Variants in CTIF observed in about 807,000 individuals in gnomAD.
The protein encoded by CTIF is cap binding complex dependent translation initiation factor, also known as CBP80/20-dependent translation initiation factor.
A neutral mutation model predicts 66.0 loss-of-function variants in CTIF; 21 were observed. That is an observed-to-expected ratio of 0.32 (90% CI 0.23 to 0.46). The LOEUF (loss-of-function observed/expected upper bound fraction) is 0.46. CTIF is among the 20% of genes least tolerant of loss of function. The probability of loss-of-function intolerance (pLI) is 1.00; values close to 1 mark genes in which losing one functional copy is unlikely to be tolerated. For missense variants in CTIF, 739 were observed against 812.7 expected (o/e 0.91, Z 1.10); for synonymous variants, 345 against 326.4 (o/e 1.06, Z -0.62).
At chr18:48,643,756 C>A (rs1006460427) in intron 3 of CTIF, among the ~76,000 whole-genome samples, 1 of 152,084 alleles carries the variant, frequency 6.6e-6, no homozygotes, top group Non-Finnish European at 1.5e-5. Context: ...GCTGCTGAGG[C>A]CTTCATTTTG....
intron 6 of CTIF, among the ~76,000 whole-genome samples, chr18:48,700,038 A>G (rs983767391): frequency 2.0e-5 from 3 of 152,170 alleles, no homozygotes; most frequent in Non-Finnish European, 2.9e-5. Flanking sequence ...CCATGCTGAT[A>G]TGGCTTGGCT....
At chr18:48,552,933 C>T (rs2145552607) in intron 1 of CTIF, among the ~76,000 whole-genome samples, 1 of 152,304 alleles carries the variant, frequency 6.6e-6, no homozygotes, top group South Asian at 2.1e-4. Flanking sequence ...TCGGTGACCT[C>T]AGGGCTTGGA....
At chr18:48,841,640 G>C (rs369606626) in intron 10 of CTIF, among the ~76,000 whole-genome samples, 1 of 152,020 alleles carries the variant, frequency 6.6e-6, no homozygotes. Flanking sequence ...TGCTTTGCTC[G>C]ATTCAAGACG....
chr18:48,862,018 C>T lies in CTIF; in HGVS notation c.*2459C>T, dbSNP rs2146710601. The T allele has an allele frequency of 1.3e-5, 2 of 152,094 alleles. No homozygotes were observed. The highest frequency in any genetic ancestry group is 3.4e-3 in the Middle Eastern group (1 of 292). 9.4% of individuals were successfully genotyped at this position (152,094 alleles called of 1,614,324 possible). A position where few individuals can be genotyped will look rare whatever the true frequency, so the allele number is the denominator to read the frequency against. On this transcript the variant is annotated 3_prime_UTR_variant, in exon 12 of 12. Coordinates refer to ENST00000256413, the MANE Select transcript of CTIF (RefSeq NM_014772.3). Reference sequence around the variant, plus strand: ...GTTTTTCTAAATGCAGGTTGCTGCTCCTTTTTCAGATATGGAAGGAAAACG... The same window carrying T: ...GTTTTTCTAAATGCAGGTTGCTGCTTCTTTTTCAGATATGGAAGGAAAACG...
chr18:48,859,543 A>G lies in CTIF; in HGVS notation c.1781A>G (p.Gln594Arg). Residue 594 changes from glutamine to arginine, a missense_variant, in exon 12 of 12, where the codon CAG (glutamine) becomes CGG (arginine). Around this residue, in one of 2 missense-constraint regions of CTIF, gnomAD observed 210 missense variants for 292.3 expected, o/e 0.72. Transcript: ENST00000256413. ...ACGCAGTACTACAACAGAACCATCC[A>G]GAAACTGACAGCCTGACAGCCAGGG... ...PITQYYNRTIQKLTA is the reference protein window; with the variant it reads ...PITQYYNRTIRKLTA 1 of 1,614,022 alleles carries G rather than the reference A, an allele frequency of 6.2e-7. No individual in the cohort carries two copies. Among genetic ancestry groups the G allele is most frequent in the Non-Finnish European group, 8.5e-7 (1 of 1,180,020 alleles).
chr18:48,859,921 C>T lies in CTIF; in HGVS notation c.*362C>T, dbSNP rs1182884321. ...CGCTGTGACTCCTCGGAGACCTTGG[C>T]AGCCTCGCACGCCGGGGCACCGCTT... On this transcript the variant is annotated 3_prime_UTR_variant, in exon 12 of 12. Coordinates refer to ENST00000256413, the MANE Select transcript of CTIF (RefSeq NM_014772.3). 1 of 496,226 alleles carries T rather than the reference C, an allele frequency of 2.0e-6. No individual in the cohort carries two copies. Among genetic ancestry groups the T allele is most frequent in the Admixed American group, 2.3e-5 (1 of 43,572 alleles). 30.7% of individuals were successfully genotyped at this position (496,226 alleles called of 1,614,324 possible).
At chr18:48,776,392 G>A (rs1405651359) in intron 9 of CTIF, among the ~76,000 whole-genome samples, 1 of 152,222 alleles carries the variant, frequency 6.6e-6, no homozygotes, top group African/African-American at 2.4e-5. Context: ...CAGGAGCTCT[G>A]CAGGAGCCAG....
intron 1 of CTIF, chr18:48,568,374 G>A (rs1380368409): frequency 6.6e-6 from 1 of 152,052 alleles, no homozygotes; most frequent in Non-Finnish European, 1.5e-5. Context: ...GAAACATTGG[G>A]AATCGGAGAT....
chr18:48,824,797 C>A (rs1228072786), intron 10 of CTIF, among the ~76,000 whole-genome samples: 3 of 152,120 alleles, frequency 2.0e-5, no homozygotes, highest in Admixed American at 2.0e-4. Flanking sequence ...TCCGCCACCA[C>A]GCCCAGCTAA....
At chr18:48,570,733 T>G (rs949617735) in intron 1 of CTIF, among the ~76,000 whole-genome samples, 1 of 152,006 alleles carries the variant, frequency 6.6e-6, no homozygotes, top group Non-Finnish European at 1.5e-5. Flanking sequence ...CGGAACTTTA[T>G]ATGCAGAGGC....
chr18:48,630,303 G>T (rs967706255), intron 2 of CTIF, among the ~76,000 whole-genome samples: 4 of 151,852 alleles, frequency 2.6e-5, no homozygotes, highest in Non-Finnish European at 5.9e-5. Flanking sequence ...GGTTGGGGGG[G>T]TGGGCGACTG....
At chr18:48,783,978 T>G (rs1372029550) in intron 9 of CTIF, among the ~76,000 whole-genome samples, 1 of 152,202 alleles carries the variant, frequency 6.6e-6, no homozygotes, top group Non-Finnish European at 1.5e-5. Flanking sequence ...ATCTTTACAT[T>G]GCTCCATGTG....
intron 1 of CTIF, among the ~76,000 whole-genome samples, chr18:48,570,267 C>T (rs1470023386): frequency 6.6e-6 from 1 of 152,174 alleles, no homozygotes; most frequent in Non-Finnish European, 1.5e-5. Flanking sequence ...GGGTAAAAGC[C>T]AACAGTGATT....
At chr18:48,661,502 G>C (rs547282519) in intron 3 of CTIF, among the ~76,000 whole-genome samples, 32 of 152,174 alleles carry the variant, frequency 2.1e-4, no homozygotes, top group South Asian at 1.0e-3. Flanking sequence ...CATCTCGGGA[G>C]GCAGGGGCTG....
At chr18:48,604,386 G>A (rs2090166186) in intron 1 of CTIF, among the ~76,000 whole-genome samples, 2 of 148,540 alleles carry the variant, frequency 1.3e-5, no homozygotes, top group Admixed American at 6.7e-5. Flanking sequence ...CACAGTGTTA[G>A]CCAGGATGGT....
intron 1 of CTIF, among the ~76,000 whole-genome samples, chr18:48,579,385 A>T (rs1185548056): frequency 6.6e-6 from 1 of 152,100 alleles, no homozygotes; most frequent in Non-Finnish European, 1.5e-5. Flanking sequence ...ACCTCAAGTG[A>T]CCTGCCTGCC....
At chr18:48,814,719 G>A (rs2068326300) in intron 9 of CTIF, among the ~76,000 whole-genome samples, 1 of 152,216 alleles carries the variant, frequency 6.6e-6, no homozygotes, top group African/African-American at 2.4e-5. Context: ...CATTCACAAA[G>A]ACCCTGAACA....
At chr18:48,666,663 G>A (rs1473659850) in intron 5 of CTIF, among the ~76,000 whole-genome samples, 4 of 152,190 alleles carry the variant, frequency 2.6e-5, no homozygotes, top group Non-Finnish European at 4.4e-5. Flanking sequence ...TTCTCTTTGG[G>A]TGAAGAGGGA....
chr18:48,807,147 A>T (rs2068163922), intron 9 of CTIF, among the ~76,000 whole-genome samples: 1 of 152,172 alleles, frequency 6.6e-6, no homozygotes, highest in Non-Finnish European at 1.5e-5. Flanking sequence ...TGTCAAGAGG[A>T]GACACACAGG....
Sources: gnomAD v4.1 joint callset for allele counts (sites outside exome capture counted in the v4.1 genomes callset) on GRCh38, gnomAD v4.1.1 for gene constraint, gnomAD v4.1.1 regional missense constraint, MANE v1.5 for transcripts, NCBI Gene and HGNC (gene_info 2026-07-23, HGNC 2026-07-21) for gene names.